CNTNAP2: variants seen among roughly 807,000 people sequenced by gnomAD.
CNTNAP2 encodes contactin-associated protein-like 2.
CNTNAP2 carries 98 observed loss-of-function variants against 155.2 expected under a neutral mutation model. The ratio of observed to expected loss-of-function variants is 0.63; its 90% CI spans 0.54 to 0.75. The LOEUF is 0.75. Ranked by LOEUF, CNTNAP2 falls within the 30% of genes least tolerant of loss-of-function variation. The pLI is 0.00. For missense variants in CNTNAP2, 1,727 were observed against 1,688.1 expected (o/e 1.02, Z -0.40); for synonymous variants, 651 against 631.2 (o/e 1.03, Z -0.47).
chr7:146,757,491 T>C (rs1802013475), intron 1 of CNTNAP2, among the ~76,000 whole-genome samples: 1 of 152,184 alleles, frequency 6.6e-6, no homozygotes. Context: ...TTTAAAATTC[T>C]GTTCTCTCAC....
intron 1 of CNTNAP2, among the ~76,000 whole-genome samples, chr7:146,161,610 G>A (rs895401387): frequency 2.0e-5 from 3 of 152,114 alleles, no homozygotes; most frequent in African/African-American, 7.2e-5. Flanking sequence ...TAGATTCAAT[G>A]GCATCACCAT....
chr7:146,135,535 G>A lies in CNTNAP2; in HGVS notation c.97+18562G>A, dbSNP rs575804773. On this transcript the variant is annotated intron_variant, in intron 1 of 23. Coordinates refer to ENST00000361727, the MANE Select transcript of CNTNAP2 (RefSeq NM_014141.6). ...TCAGTCTTGCTTTTATATCTAACTG[G>A]AGATTTGGAATAGAGTTTCCAGGTT... Among the ~76,000 whole-genome samples the A allele has an allele frequency of 2.6e-5, 4 of 152,178 alleles. No individual in the cohort carries two copies. The East Asian group carries it at 7.7e-4, about 29-fold the overall frequency.
chr7:148,195,403 A>C (rs1216230402), intron 18 of CNTNAP2, among the ~76,000 whole-genome samples: 1 of 152,246 alleles, frequency 6.6e-6, no homozygotes, highest in East Asian at 1.9e-4. Context: ...GGAAATGAGA[A>C]AGCAACTTGA....
At chr7:148,137,380 T>C (rs529692421) in intron 16 of CNTNAP2, among the ~76,000 whole-genome samples, 20 of 152,266 alleles carry the variant, frequency 1.3e-4, no homozygotes, top group South Asian at 1.2e-3. Flanking sequence ...AATGATTCAG[T>C]TGGGCACAGT....
chr7:147,138,644 A>G (rs1169001028), intron 8 of CNTNAP2, among the ~76,000 whole-genome samples: 1 of 151,968 alleles, frequency 6.6e-6, no homozygotes, highest in African/African-American at 2.4e-5. Context: ...GAATGAAAGG[A>G]AAAAAAGGAC....
At chr7:146,914,837 G>GT (rs1247044657) in intron 3 of CNTNAP2, among the ~76,000 whole-genome samples, 12 of 150,526 alleles carry the variant, frequency 8.0e-5, no homozygotes, top group Non-Finnish European at 1.3e-4. Context: ...TTGTTTTTTT[G>GT]TTTTTTTGTT....
chr7:146,908,882 T>G (rs1585151379), intron 3 of CNTNAP2, among the ~76,000 whole-genome samples: 4 of 146,238 alleles, frequency 2.7e-5, no homozygotes, highest in East Asian at 3.9e-4. Context: ...TTTGAAAGGA[T>G]CAACAAAATT....
At chr7:147,969,388 GTTATT>G in intron 14 of CNTNAP2, among the ~76,000 whole-genome samples, 1 of 152,134 alleles carries the variant, frequency 6.6e-6, no homozygotes, top group Non-Finnish European at 1.5e-5. Context: ...TGACTCTCCT[GTTATT>G]TGGAAAACTG....
At chr7:147,625,638 A>T (rs1433829832) in intron 12 of CNTNAP2, among the ~76,000 whole-genome samples, 2 of 152,180 alleles carry the variant, frequency 1.3e-5, no homozygotes, top group South Asian at 2.1e-4. Flanking sequence ...AAGATGGCAG[A>T]TAGGAGATAG....
chr7:148,388,933 T>C (rs1799281471), intron 22 of CNTNAP2, among the ~76,000 whole-genome samples: 1 of 152,108 alleles, frequency 6.6e-6, no homozygotes, highest in Admixed American at 6.6e-5. Flanking sequence ...GAAGTGTCAG[T>C]CTGCCCCTAC....
chr7:147,009,664 A>G (rs1180497307), intron 3 of CNTNAP2, among the ~76,000 whole-genome samples: 1 of 152,174 alleles, frequency 6.6e-6, no homozygotes, highest in Admixed American at 6.5e-5. Flanking sequence ...GAAAATATAG[A>G]ATAGCTTAAC....
chr7:146,864,196 A>T (rs1795158457), intron 3 of CNTNAP2, among the ~76,000 whole-genome samples: 1 of 152,102 alleles, frequency 6.6e-6, no homozygotes, highest in Non-Finnish European at 1.5e-5. Flanking sequence ...TATAATGAAT[A>T]TAGACACAAA....
intron 1 of CNTNAP2, among the ~76,000 whole-genome samples, chr7:146,335,490 G>A (rs528453213): frequency 6.6e-6 from 1 of 152,218 alleles, no homozygotes; most frequent in Admixed American, 6.5e-5. Context: ...CTCACTATAA[G>A]AAGGAGCCTC....
chr7:147,629,677 CCCTCAAAACTATACAAATACTTGGAAAT>C (rs1242428885), intron 12 of CNTNAP2, among the ~76,000 whole-genome samples: 1 of 151,830 alleles, frequency 6.6e-6, no homozygotes, highest in Admixed American at 6.6e-5. Context: ...CCAAAAGGAA[CCCTCAAAACTATACAAATACTTGGAAAT>C]TAAATCACCT....
At chr7:146,343,456 C>T (rs1794765119) in intron 1 of CNTNAP2, among the ~76,000 whole-genome samples, 1 of 151,984 alleles carries the variant, frequency 6.6e-6, no homozygotes, top group Non-Finnish European at 1.5e-5. Context: ...CTGCAATGGC[C>T]TTCAATACAG....
At chr7:148,413,401 A>AAAAAAAAAAAAT (rs1442990213) in intron 23 of CNTNAP2, among the ~76,000 whole-genome samples, 8 of 45,376 alleles carry the variant, frequency 1.8e-4, no homozygotes, top group African/African-American at 8.9e-4. Flanking sequence ...TCAAAAAAAA[A>AAAAAAAAAAAAT]ATATATATAT....
intron 13 of CNTNAP2, among the ~76,000 whole-genome samples, chr7:147,764,716 G>C (rs769312993): frequency 3.3e-5 from 5 of 152,184 alleles, no homozygotes; most frequent in Admixed American, 6.5e-5. Context: ...GGAAACAAAA[G>C]CTGCTGAGTT....
At chr7:147,648,655 C>A (rs976097006) in intron 13 of CNTNAP2, among the ~76,000 whole-genome samples, 3 of 152,152 alleles carry the variant, frequency 2.0e-5, no homozygotes, top group African/African-American at 7.2e-5. Flanking sequence ...ACCATCAGAT[C>A]TTGTGAGACT....
In CNTNAP2 at chr7:148,229,742, T is replaced by G; in HGVS notation, c.3344T>G (p.Val1115Gly). ...RNMANGQPHS[V>G]NITRHEKTIF... ...ATGGCCAATGGACAGCCCCACAGTG[T>G]CAACATCACCCGCCACGAGAAGACC... Residue 1115 changes from valine to glycine, a missense_variant, in exon 20 of 24, where the codon GTC becomes GGC. Physicochemically the swap from Val to Gly is moderately radical, Grantham distance 109. Transcript: ENST00000361727. The G allele has an allele frequency of 6.2e-7, 1 of 1,614,020 alleles. No homozygotes were observed. Among genetic ancestry groups the G allele is most frequent in the Non-Finnish European group, 8.5e-7 (1 of 1,179,976 alleles).
Sources: allele counts gnomAD v4.1 joint callset (sites outside exome capture counted in the v4.1 genomes callset), GRCh38; gene constraint gnomAD v4.1.1; transcripts MANE v1.5; gene names NCBI Gene and HGNC (gene_info 2026-07-23, HGNC 2026-07-21).